ENPP3: variants seen among roughly 807,000 people sequenced by gnomAD.
The protein encoded by ENPP3 is ectonucleotide pyrophosphatase/phosphodiesterase 3, also known as ectonucleotide pyrophosphatase/phosphodiesterase family member 3.
A neutral mutation model predicts 117.8 loss-of-function variants in ENPP3; 104 were observed. The observed-to-expected ratio is 0.88, with a 90% CI of 0.75 to 1.04. The LOEUF (loss-of-function observed/expected upper bound fraction) is 1.04, where lower values mean the gene tolerates loss of function less well. Among genes scored for constraint, ENPP3 ranks in the 50% least tolerant of loss-of-function variants. The pLI, the probability that ENPP3 is intolerant of heterozygous loss-of-function variation, is 0.00. For synonymous variants in ENPP3, 380 were observed against 349.9 expected (o/e 1.09, Z -0.96); for missense variants, 1,026 against 1,051.9 (o/e 0.98, Z 0.34).
At chr6:131,639,848 G>A (rs1045750624) in intron 1 of ENPP3, among the ~76,000 whole-genome samples, 13 of 151,994 alleles carry the variant, frequency 8.6e-5, no homozygotes, top group East Asian at 7.7e-4. Context: ...CTTCTTAGGC[G>A]GGGCACAGTG....
intron 14 of ENPP3, among the ~76,000 whole-genome samples, chr6:131,691,888 A>G (rs749486626): frequency 6.6e-6 from 1 of 152,214 alleles, no homozygotes; most frequent in African/African-American, 2.4e-5. Context: ...AGTAATGATA[A>G]ATAAAACAGT....
intron 5 of ENPP3, among the ~76,000 whole-genome samples, chr6:131,656,117 T>C (rs1405960473): frequency 6.6e-6 from 1 of 152,170 alleles, no homozygotes; most frequent in Non-Finnish European, 1.5e-5. Context: ...CTTAGACTCT[T>C]AAACCAGACA....
At chr6:131,694,744 G>T (rs920177474) in intron 15 of ENPP3, among the ~76,000 whole-genome samples, 2 of 151,516 alleles carry the variant, frequency 1.3e-5, no homozygotes, top group African/African-American at 2.4e-5. Flanking sequence ...TGAGGCAGGA[G>T]AATTGCTTGA....
chr6:131,696,552 C>G (rs1027525763), intron 15 of ENPP3, among the ~76,000 whole-genome samples: 1 of 152,198 alleles, frequency 6.6e-6, no homozygotes, highest in Non-Finnish European at 1.5e-5. Context: ...ACAGTGGCAT[C>G]CTGCCAACAA....
chr6:131,674,403 G>A (rs1323237333), intron 8 of ENPP3, 122 bp downstream of exon 8: 2 of 934,588 alleles, frequency 2.1e-6, no homozygotes, highest in East Asian at 4.9e-5. Context: ...AGGGCTGAGG[G>A]TGCAAAGGTG....
At chr6:131,682,248 C>T (rs1354883912) in intron 11 of ENPP3, among the ~76,000 whole-genome samples, 2 of 152,092 alleles carry the variant, frequency 1.3e-5, no homozygotes, top group Non-Finnish European at 2.9e-5. Flanking sequence ...AATTCCAACA[C>T]TTTGAGAGGC....
chr6:131,640,550 A>G (rs931659095), intron 1 of ENPP3, among the ~76,000 whole-genome samples: 1 of 152,212 alleles, frequency 6.6e-6, no homozygotes, highest in African/African-American at 2.4e-5. Context: ...ACAATCCTCA[A>G]AAAAATAATT....
rs9493036 is a variant in ENPP3 at position 131,641,356 on chromosome 6, G to A, written c.79-99G>A. On this transcript the variant is annotated intron_variant, in intron 1 of 24. Coordinates refer to ENST00000357639, the MANE Select transcript of ENPP3 (RefSeq NM_005021.5). ...ATCTGGTATCTGGCATAACTAGTAC[G>A]CTGCAGGTACTTAGAGAGAATACTG... 4.6e-3 allele frequency: 3,098 copies of A among 666,496 alleles called. 69 individuals are homozygous for A. Among genetic ancestry groups the A allele is most frequent in the African/African-American group, 0.046 (2,580 of 55,678 alleles). 41.3% of individuals were successfully genotyped at this position (666,496 alleles called of 1,614,324 possible).
intron 23 of ENPP3, among the ~76,000 whole-genome samples, chr6:131,739,159 G>A (rs1433151842): frequency 1.3e-5 from 2 of 152,220 alleles, no homozygotes; most frequent in African/African-American, 4.8e-5. Flanking sequence ...CAACTAATAA[G>A]TGGTAAAGCC....
chr6:131,668,605 A>G (rs374243898), intron 6 of ENPP3, among the ~76,000 whole-genome samples: 68 of 152,322 alleles, frequency 4.5e-4, no homozygotes, highest in African/African-American at 1.6e-3. Flanking sequence ...TAGTTACTAT[A>G]AACCTAGTTG....
At chr6:131,642,443 G>A (rs528580288) in intron 2 of ENPP3, among the ~76,000 whole-genome samples, 9 of 152,164 alleles carry the variant, frequency 5.9e-5, no homozygotes, top group African/African-American at 1.7e-4. Context: ...TCATTATTAT[G>A]GAGAGTAAAT....
chr6:131,684,303 T>G (rs1271880884), intron 12 of ENPP3, among the ~76,000 whole-genome samples: 1 of 152,236 alleles, frequency 6.6e-6, no homozygotes, highest in Non-Finnish European at 1.5e-5. Flanking sequence ...CTAAGGTAGT[T>G]CTCTAACACT....
At chr6:131,662,581 C>T (rs911103648) in intron 6 of ENPP3, among the ~76,000 whole-genome samples, 3 of 152,154 alleles carry the variant, frequency 2.0e-5, no homozygotes, top group Non-Finnish European at 4.4e-5. Flanking sequence ...GTTTTTATGC[C>T]AGTAACATGC....
rs149666550 is a variant in ENPP3, at chr6:131,677,668, G to T, written c.939-200G>T. ...TAGGGGCGTACCACTGCTTGTATCT[G>T]GGAAGGTCTTATTTATTTCCCGTTA... On this transcript the variant is annotated intron_variant, in intron 10 of 24. Transcript: ENST00000357639. Among the ~76,000 whole-genome samples, 480 of 152,184 alleles carry T rather than the reference G, an allele frequency of 3.2e-3. 2 individuals carry two copies. Among genetic ancestry groups the T allele is most frequent in the African/African-American group, 0.011 (459 of 41,526 alleles).
chr6:131,650,004 G>T (rs1181168145), intron 2 of ENPP3, 23 bp from the exon 3 acceptor site: 3 of 1,613,466 alleles, frequency 1.9e-6, no homozygotes. Flanking sequence ...AAATGTTCGG[G>T]CCCTATTTCC....
chr6:131,710,947 G>C (rs759309266), intron 15 of ENPP3: 5 of 1,554,916 alleles, frequency 3.2e-6, no homozygotes, highest in Middle Eastern at 2.2e-4. Context: ...AGGTAGTGCT[G>C]CCACAACTCT....
intron 15 of ENPP3, among the ~76,000 whole-genome samples, chr6:131,697,055 C>T (rs940803406): frequency 1.3e-5 from 2 of 152,158 alleles, no homozygotes; most frequent in African/African-American, 2.4e-5. Context: ...GCGTGAGCCA[C>T]CGTGCCGGCC....
At chr6:131,739,315 AC>A (rs1177753865) in intron 23 of ENPP3, among the ~76,000 whole-genome samples, 4 of 152,106 alleles carry the variant, frequency 2.6e-5, no homozygotes, top group Non-Finnish European at 5.9e-5. Flanking sequence ...GTTATCTGAA[AC>A]CGAAGTACTG....
chr6:131,643,943 CTGTGTG>C (rs60828787), intron 2 of ENPP3, among the ~76,000 whole-genome samples: 3 of 143,080 alleles, frequency 2.1e-5, no homozygotes, highest in South Asian at 2.2e-4. Flanking sequence ...GTGTGTGTGT[CTGTGTG>C]TGTGTGTGTG....
Sources: gnomAD v4.1 joint callset for allele counts (sites outside exome capture counted in the v4.1 genomes callset) on GRCh38, gnomAD v4.1.1 for gene constraint, MANE v1.5 for transcripts, NCBI Gene and HGNC (gene_info 2026-07-23, HGNC 2026-07-21) for gene names.